CEP128: variants seen among roughly 807,000 people sequenced by gnomAD.
The protein encoded by CEP128 is centrosomal protein 128kDa.
In CEP128, 132 loss-of-function variants were observed where a neutral mutation model predicts 156.7. The observed-to-expected ratio is 0.84, with a 90% CI of 0.73 to 0.97. CEP128 has a LOEUF of 0.97. CEP128 is among the 50% of genes least tolerant of loss of function. The probability of loss-of-function intolerance (pLI) is 0.00; values close to 1 mark genes in which losing one functional copy is unlikely to be tolerated. For missense variants in CEP128, 1,252 were observed against 1,281.9 expected, an observed-to-expected ratio of 0.98 and a Z score of 0.36; for synonymous variants, 469 against 448.9, an observed-to-expected ratio of 1.04 and a Z score of -0.57.
At chr14:80,788,227 T>C (rs1307978545) in intron 14 of CEP128, among the ~76,000 whole-genome samples, 3 of 150,984 alleles carry the variant, frequency 2.0e-5, no homozygotes, top group African/African-American at 7.3e-5. Context: ...CTCAAATGAA[T>C]AGCCTTTATC....
chr14:80,807,686 A>T (rs1876581681), intron 13 of CEP128, among the ~76,000 whole-genome samples: 1 of 152,258 alleles, frequency 6.6e-6, no homozygotes, highest in Non-Finnish European at 1.5e-5. Context: ...TAGCAAGGAC[A>T]GAGATCTGAA....
At chr14:80,633,390 G>A (rs915920047) in intron 19 of CEP128, among the ~76,000 whole-genome samples, 1 of 152,124 alleles carries the variant, frequency 6.6e-6, no homozygotes, top group African/African-American at 2.4e-5. Context: ...AAGCATAAAA[G>A]TTGTCACTCA....
In CEP128 at chr14:80,637,310, T is replaced by C. The variant is rs537456648; in HGVS notation, c.2807-56887A>G. Among the ~76,000 whole-genome samples, 132 of 152,200 alleles carry C rather than the reference T, an allele frequency of 8.7e-4. No homozygotes were observed. The Middle Eastern group carries it at 0.01, about 12-fold the overall frequency. On this transcript the variant is annotated intron_variant, in intron 19 of 24. Transcript: ENST00000555265. ...TCAGTTGACCTCCAGATATGGCAAT[T>C]TGTCCTGGATTACCGAGGATGACCT...
chr14:80,590,096 T>C (rs1295297434), intron 19 of CEP128, among the ~76,000 whole-genome samples: 1 of 152,108 alleles, frequency 6.6e-6, no homozygotes, highest in African/African-American at 2.4e-5. Flanking sequence ...GACACAAGAA[T>C]GATCACCTGC....
chr14:80,639,015 A>G (rs781152773), intron 19 of CEP128, among the ~76,000 whole-genome samples: 2 of 152,200 alleles, frequency 1.3e-5, no homozygotes, highest in African/African-American at 2.4e-5. Context: ...CTCCCTGTCT[A>G]ATATTTGCAT....
intron 2 of CEP128, among the ~76,000 whole-genome samples, chr14:80,937,340 T>C (rs1885866388): frequency 2.0e-5 from 3 of 152,088 alleles, no homozygotes; most frequent in Admixed American, 2.0e-4. Context: ...GTAATATACA[T>C]AGACGTTGAC....
Position 80,661,672 on chromosome 14 carries a change from T to C in CEP128, c.2807-81249A>G, listed in dbSNP as rs192903466. Among the ~76,000 whole-genome samples the C allele has an allele frequency of 9.4e-4, 143 of 152,312 alleles. 1 individual carries two copies. The highest frequency in any genetic ancestry group is 2.5e-3 in the South Asian group (12 of 4,832). On this transcript the variant is annotated intron_variant, in intron 19 of 24. Coordinates refer to ENST00000555265, the MANE Select transcript of CEP128 (RefSeq NM_152446.5). Reference sequence around the variant, plus strand: ...CCTTTATACAAATATTCTGAAATTATAATTCTTATCTTTTCATTAAAGCAG... The same window carrying C: ...CCTTTATACAAATATTCTGAAATTACAATTCTTATCTTTTCATTAAAGCAG...
At chr14:80,935,930 A>T (rs995409996) in intron 2 of CEP128, among the ~76,000 whole-genome samples, 3 of 152,208 alleles carry the variant, frequency 2.0e-5, no homozygotes, top group Non-Finnish European at 4.4e-5. Flanking sequence ...AACTTCCAAA[A>T]GTTAACTTGC....
chr14:80,698,114 G>T, intron 19 of CEP128, among the ~76,000 whole-genome samples: 1 of 151,688 alleles, frequency 6.6e-6, no homozygotes, highest in South Asian at 2.1e-4. Context: ...AATGTTTTAG[G>T]AATCATTATT....
chr14:80,604,139 C>T (rs1483716781), intron 19 of CEP128, among the ~76,000 whole-genome samples: 1 of 152,074 alleles, frequency 6.6e-6, no homozygotes, highest in Non-Finnish European at 1.5e-5. Flanking sequence ...TGTTTCCTAC[C>T]AATGTTTCCC....
At chr14:80,792,508 T>C (rs1052237029) in intron 14 of CEP128, among the ~76,000 whole-genome samples, 10 of 152,210 alleles carry the variant, frequency 6.6e-5, no homozygotes, top group African/African-American at 2.4e-4. Context: ...TACACCTAAA[T>C]TGGGGCAAGG....
chr14:80,943,692 A>C (rs932094714), upstream of CEP128, among the ~76,000 whole-genome samples: 2 of 152,164 alleles, frequency 1.3e-5, no homozygotes, highest in African/African-American at 4.8e-5. Flanking sequence ...GTGGCATCCC[A>C]AAAAAATGTA....
chr14:80,492,310 G>A (rs896054413), downstream of CEP128, among the ~76,000 whole-genome samples: 2 of 152,150 alleles, frequency 1.3e-5, no homozygotes, highest in African/African-American at 4.8e-5. Flanking sequence ...ATTTTACCAA[G>A]AGAAGCCTTT....
chr14:80,947,603 T>C (rs973831539), intron 2 of CEP128, among the ~76,000 whole-genome samples: 13 of 152,136 alleles, frequency 8.5e-5, no homozygotes, highest in African/African-American at 2.9e-4. Context: ...CACAAACCCA[T>C]GAAGTCAACC....
chr14:80,712,430 T>C (rs1447523914), intron 19 of CEP128, among the ~76,000 whole-genome samples: 1 of 151,932 alleles, frequency 6.6e-6, no homozygotes, highest in Non-Finnish European at 1.5e-5. Context: ...CCCCTATTAC[T>C]CCCTCAGAAA....
At chr14:80,734,977 G>A (rs1898459884) in intron 19 of CEP128, among the ~76,000 whole-genome samples, 1 of 151,336 alleles carries the variant, frequency 6.6e-6, no homozygotes, top group Admixed American at 6.6e-5. Context: ...CAGTTTCTGT[G>A]TTCCATTTAA....
chr14:80,513,539 CTT>C (rs1656665419), intron 23 of CEP128, among the ~76,000 whole-genome samples: 1 of 151,922 alleles, frequency 6.6e-6, no homozygotes, highest in African/African-American at 2.4e-5. Context: ...GTTATTATTT[CTT>C]TGAAAGACTT....
chr14:80,876,373 G>A (rs896377852), intron 8 of CEP128, among the ~76,000 whole-genome samples: 1 of 152,040 alleles, frequency 6.6e-6, no homozygotes, highest in Non-Finnish European at 1.5e-5. Flanking sequence ...CAAGGAGGGT[G>A]GATCACAAGG....
intron 19 of CEP128, among the ~76,000 whole-genome samples, chr14:80,659,016 G>A (rs1262564250): frequency 6.6e-6 from 1 of 152,132 alleles, no homozygotes; most frequent in African/African-American, 2.4e-5. Context: ...ACTACTAGAG[G>A]AAACAAATTT....
Sources: allele counts gnomAD v4.1 joint callset (sites outside exome capture counted in the v4.1 genomes callset), GRCh38; gene constraint gnomAD v4.1.1; transcripts MANE v1.5; gene names NCBI Gene and HGNC (gene_info 2026-07-23, HGNC 2026-07-21).